SLAMF6: variants seen among roughly 807,000 people sequenced by gnomAD.
SLAMF6 encodes the protein SLAM family member 6, also known as NK-T-B-antigen.
SLAMF6 carries 21 observed loss-of-function variants against 38.3 expected under a neutral mutation model. The observed-to-expected ratio is 0.55, with a 90% CI of 0.39 to 0.79. The LOEUF (loss-of-function observed/expected upper bound fraction) is 0.79. Ranked by LOEUF, SLAMF6 falls within the 30% of genes least tolerant of loss-of-function variation. The pLI, the probability that SLAMF6 is intolerant of heterozygous loss-of-function variation, is 0.00. For missense variants in SLAMF6, 341 were observed against 385.3 expected (o/e 0.89, Z 0.96); for synonymous variants, 152 against 146.3 (o/e 1.04, Z -0.28).
At chr1:160,491,463 A>C (rs1653296980) in intron 2 of SLAMF6, 75 bp from the exon 3 acceptor site, 1 of 1,542,648 alleles carries the variant, frequency 6.5e-7, no homozygotes. Flanking sequence ...AATATCCTTC[A>C]CCTCAATGTT....
At chr1:160,507,861 C>T (rs1451620627) in intron 1 of SLAMF6, among the ~76,000 whole-genome samples, 1 of 151,784 alleles carries the variant, frequency 6.6e-6, no homozygotes, top group African/African-American at 2.4e-5. Flanking sequence ...ACAAAGCTTA[C>T]CAAAACATGG....
At chr1:160,491,493 T>A (rs1653298697) in intron 2 of SLAMF6, 105 bp from the exon 3 acceptor site, 1 of 1,485,314 alleles carries the variant, frequency 6.7e-7, no homozygotes, top group African/African-American at 1.4e-5. Flanking sequence ...ACCTTTGCTG[T>A]GTGTTATGGT....
chr1:160,486,825 G>C, intron 7 of SLAMF6, 71 bp from the exon 8 acceptor site: 1 of 1,540,714 alleles, frequency 6.5e-7, no homozygotes, highest in Non-Finnish European at 9.0e-7. Flanking sequence ...CATAACTACA[G>C]AGAGAGGACT....
chr1:160,510,824 GA>G (rs1654434370), intron 1 of SLAMF6, among the ~76,000 whole-genome samples: 2 of 152,078 alleles, frequency 1.3e-5, no homozygotes, highest in African/African-American at 4.8e-5. Context: ...ACATGATGTT[GA>G]AAATAGAAAA....
Position 160,486,765 on chromosome 1 carries a change from A to C in SLAMF6, c.952-11T>G. 6.2e-7 allele frequency: 1 copy of C among 1,613,814 alleles called. No individual in the cohort carries two copies. Among genetic ancestry groups the C allele is most frequent in the Non-Finnish European group, 8.5e-7 (1 of 1,179,824 alleles). ...AAAAGTGGGTTTACTCTGTGGGAAA[A>C]AGAGGAAGATGAGGTAGGTTAATTG... On this transcript the variant is annotated splice_polypyrimidine_tract_variant and intron_variant, in intron 7 of 7. Transcript: ENST00000368057.
intron 1 of SLAMF6, among the ~76,000 whole-genome samples, chr1:160,519,303 A>G (rs1199723360): frequency 1.3e-5 from 2 of 152,210 alleles, no homozygotes; most frequent in Non-Finnish European, 1.5e-5. Context: ...TCTTTTTAAA[A>G]AGGAAAAAAA....
chr1:160,519,907 TA>T (rs1411194324), intron 1 of SLAMF6, among the ~76,000 whole-genome samples: 7 of 152,116 alleles, frequency 4.6e-5, no homozygotes, highest in Non-Finnish European at 1.0e-4. Flanking sequence ...AATGTCACTT[TA>T]AAATTATTAC....
rs780909378 is a variant in SLAMF6, at chr1:160,491,135, C to T, written c.636G>A (p.Lys212=). The part of the protein sequence containing the change: ...SNLSFSVSAQ[K]LCEDVKIQYT... The stretch of plus-strand genomic sequence containing the variant: ...GAGGCAGGCTGTTACCTTCGCAAAG[C>T]TTCTGGGCAGAGACAGAGAAGGATA... Residue 212 remains lysine (K), a synonymous_variant, in exon 3 of 8, where the codon AAG becomes AAA. Coordinates refer to ENST00000368057, the MANE Select transcript of SLAMF6 (RefSeq NM_001184714.2). 32 of 1,613,626 alleles carry T rather than the reference C, an allele frequency of 2.0e-5. No homozygotes were observed. Among genetic ancestry groups the T allele is most frequent in the Admixed American group, 5.0e-5 (3 of 59,986 alleles).
intron 1 of SLAMF6, among the ~76,000 whole-genome samples, chr1:160,506,347 G>A (rs1244472507): frequency 6.6e-6 from 1 of 152,006 alleles, no homozygotes; most frequent in Non-Finnish European, 1.5e-5. Context: ...TGATTGCCAG[G>A]AGGCAGTGGG....
At chr1:160,519,953 G>A (rs551772383) in intron 1 of SLAMF6, among the ~76,000 whole-genome samples, 1 of 152,256 alleles carries the variant, frequency 6.6e-6, no homozygotes, top group East Asian at 1.9e-4. Flanking sequence ...AATAAAAAAT[G>A]TCTGAGTGTG....
intron 1 of SLAMF6, among the ~76,000 whole-genome samples, chr1:160,518,882 A>C (rs548884750): frequency 6.6e-6 from 1 of 152,324 alleles, no homozygotes; most frequent in East Asian, 1.9e-4. Flanking sequence ...TTACCTATGT[A>C]ACAAACTTGC....
intron 1 of SLAMF6, among the ~76,000 whole-genome samples, chr1:160,515,029 T>TA (rs1449012129): frequency 6.6e-6 from 1 of 151,748 alleles, no homozygotes; most frequent in Non-Finnish European, 1.5e-5. Flanking sequence ...AGGAGATAGA[T>TA]AAAAGAAGAA....
In SLAMF6 at chr1:160,490,623, C is replaced by T; in HGVS notation, c.709G>A (p.Val237Ile). 1 of 1,613,952 alleles carries T rather than the reference C, an allele frequency of 6.2e-7. No individual in the cohort carries two copies. The highest frequency in any genetic ancestry group is 8.5e-7 in the Non-Finnish European group (1 of 1,179,894). Residue 237 changes from valine to isoleucine, a missense_variant, in exon 4 of 8, where the codon GTC becomes ATC. Transcript: ENST00000368057. ...ILFMVSGICI[V>I]FGFIILLLLV... ...AACAGCAGTATGATGAAACCGAAGA[C>T]TATGCATATCCCAGAAACCATAAAC...
chr1:160,487,796 T>C (rs1653046796), intron 6 of SLAMF6, among the ~76,000 whole-genome samples: 1 of 152,142 alleles, frequency 6.6e-6, no homozygotes, highest in East Asian at 1.9e-4. Flanking sequence ...TTTAGAGAAT[T>C]ATCAAGATCT....
intron 1 of SLAMF6, among the ~76,000 whole-genome samples, chr1:160,500,977 G>C (rs2025517): frequency 0.46 from 69,625 of 151,668 alleles, 17,969 homozygotes; most frequent in East Asian, 0.59. Context: ...GGCTATTTAT[G>C]CTGCTTACAA....
chr1:160,512,425 C>T (rs1405873331), intron 1 of SLAMF6, among the ~76,000 whole-genome samples: 7 of 152,172 alleles, frequency 4.6e-5, no homozygotes, highest in Non-Finnish European at 1.0e-4. Flanking sequence ...TTAGTCTTTT[C>T]CCCTGCTGGC....
intron 2 of SLAMF6, 163 bp from the exon 3 acceptor site, chr1:160,491,551 G>T: frequency 1.8e-6 from 1 of 551,954 alleles, no homozygotes; most frequent in Non-Finnish European, 2.3e-6. Flanking sequence ...ATTGATGGTA[G>T]CAAGGTCTGG....
intron 1 of SLAMF6, among the ~76,000 whole-genome samples, chr1:160,497,931 G>A (rs1345694222): frequency 2.6e-5 from 4 of 152,076 alleles, no homozygotes; most frequent in Non-Finnish European, 5.9e-5. Context: ...GAATAGCATA[G>A]TATGAACATA....
chr1:160,490,284 G>A (rs1213642387), intron 4 of SLAMF6, 48 bp from the exon 5 acceptor site: 2 of 1,611,982 alleles, frequency 1.2e-6, no homozygotes, highest in African/African-American at 1.3e-5. Context: ...CAGTGGGAGA[G>A]GCATTTCACC....
Sources: gnomAD v4.1 joint callset for allele counts (sites outside exome capture counted in the v4.1 genomes callset) on GRCh38, gnomAD v4.1.1 for gene constraint, MANE v1.5 for transcripts, NCBI Gene and HGNC (gene_info 2026-07-23, HGNC 2026-07-21) for gene names.